ZNF367: variants seen among roughly 807,000 people sequenced by gnomAD.
ZNF367 encodes C2H2 zinc finger protein ZFF29.
Under a neutral mutation model 31.8 loss-of-function variants are expected in ZNF367, and 11 were observed. The ratio of observed to expected loss-of-function variants is 0.35; its 90% CI spans 0.22 to 0.57. ZNF367 has a LOEUF of 0.57. Ranked by LOEUF, ZNF367 falls within the 20% of genes least tolerant of loss-of-function variation. The pLI, the probability that ZNF367 is intolerant of heterozygous loss-of-function variation, is 0.85. For synonymous variants in ZNF367, 199 were observed against 202.4 expected (o/e 0.98, Z 0.14); for missense variants, 353 against 484.1 (o/e 0.73, Z 2.54).
At chr9:96,416,788 A>G (rs1831836393) in intron 1 of ZNF367, among the ~76,000 whole-genome samples, 1 of 152,232 alleles carries the variant, frequency 6.6e-6, no homozygotes, top group African/African-American at 2.4e-5. Flanking sequence ...AGTCTTCTAG[A>G]TAGAAATACT....
intron 1 of ZNF367, among the ~76,000 whole-genome samples, chr9:96,405,196 C>T (rs185020821): frequency 1.3e-5 from 2 of 151,698 alleles, no homozygotes; most frequent in Admixed American, 6.6e-5. Flanking sequence ...ATGGCGAGTG[C>T]CTGTAATCCC....
At chr9:96,411,820 GT>G (rs1025645270) in intron 1 of ZNF367, among the ~76,000 whole-genome samples, 2 of 151,934 alleles carry the variant, frequency 1.3e-5, no homozygotes, top group Non-Finnish European at 1.5e-5. Context: ...ATTCTTTTGG[GT>G]TTTTTTGTTT....
At chr9:96,409,180 C>G (rs1831710459) in intron 1 of ZNF367, among the ~76,000 whole-genome samples, 1 of 152,224 alleles carries the variant, frequency 6.6e-6, no homozygotes, top group African/African-American at 2.4e-5. Context: ...TCACCAGAAG[C>G]AGATTCTGGT....
intron 2 of ZNF367, among the ~76,000 whole-genome samples, chr9:96,396,874 C>A (rs1243988664): frequency 1.2e-4 from 18 of 152,028 alleles, no homozygotes; most frequent in Admixed American, 1.2e-3. Context: ...TCCATGTTGG[C>A]CAGGCTGGTC....
At chr9:96,406,900 G>A (rs1831677299) in intron 1 of ZNF367, among the ~76,000 whole-genome samples, 1 of 150,882 alleles carries the variant, frequency 6.6e-6, no homozygotes, top group Admixed American at 6.6e-5. Flanking sequence ...TACTCGGGAG[G>A]CTGAGGCAGG....
At position 96,417,750 on chromosome 9, in the gene ZNF367, GGGCGGCCGAGGC is replaced by G. The variant is rs770461826; in HGVS notation, c.271_282del (p.Ala91_Ala94del). 6.4e-5 allele frequency: 79 copies of G among 1,233,432 alleles called. 1 individual carries two copies. In the South Asian group the frequency reaches 8.2e-4, roughly 13 times the overall value. 76.4% of individuals were successfully genotyped at this position (1,233,432 alleles called of 1,614,324 possible). A position where few individuals can be genotyped will look rare whatever the true frequency, so the allele number is the denominator to read the frequency against. Reference sequence around the variant, plus strand: ...TGCTCGGCGGCTGCGGCTGCAGGCAGGGCGGCCGAGGCGGCGGCCCCCGCGGCCCCAGGGCTG... The same window carrying G: ...TGCTCGGCGGCTGCGGCTGCAGGCAGGGCGGCCCCCGCGGCCCCAGGGCTG... On this transcript the variant is annotated inframe_deletion, in exon 1 of 5. Transcript: ENST00000375256. The surrounding 1 kb of genome is among the most constrained non-coding windows in gnomAD (Gnocchi z 5.0).
intron 1 of ZNF367, among the ~76,000 whole-genome samples, chr9:96,405,236 C>A (rs147900641): frequency 1.3e-5 from 2 of 149,152 alleles, no homozygotes; most frequent in African/African-American, 5.0e-5. Context: ...GCAGGAGAAT[C>A]GCTTGAACCC....
At chr9:96,390,450 G>A (rs1318157766) in intron 4 of ZNF367, among the ~76,000 whole-genome samples, 5 of 152,150 alleles carry the variant, frequency 3.3e-5, no homozygotes, top group Non-Finnish European at 7.3e-5. Flanking sequence ...AAGGGTTTAG[G>A]CTTTAGACTG....
At chr9:96,411,934 T>A (rs1724471583) in intron 1 of ZNF367, among the ~76,000 whole-genome samples, 1 of 152,178 alleles carries the variant, frequency 6.6e-6, no homozygotes, top group Non-Finnish European at 1.5e-5. Context: ...TTCATGCGAT[T>A]CTCCTGCCTC....
At chr9:96,389,461 TA>T in intron 4 of ZNF367, among the ~76,000 whole-genome samples, 1 of 152,088 alleles carries the variant, frequency 6.6e-6, no homozygotes, top group South Asian at 2.1e-4. Flanking sequence ...TACATTTGTA[TA>T]AAACTACTAT....
intron 3 of ZNF367, 96 bp from the exon 4 acceptor site, chr9:96,392,632 T>C: frequency 2.0e-6 from 3 of 1,476,600 alleles, no homozygotes; most frequent in Non-Finnish European, 1.8e-6. Flanking sequence ...GAAAAGTAAA[T>C]TAATATGGTG....
chr9:96,396,038 G>A (rs1443166100), intron 2 of ZNF367, among the ~76,000 whole-genome samples: 2 of 152,128 alleles, frequency 1.3e-5, no homozygotes. Context: ...ACAGATATAG[G>A]GGGATTGTTT....
intron 3 of ZNF367, among the ~76,000 whole-genome samples, chr9:96,394,071 C>G (rs1241701780): frequency 6.6e-6 from 1 of 152,180 alleles, no homozygotes; most frequent in East Asian, 1.9e-4. Context: ...ATGCTTACTT[C>G]ACTTTAATAA....
chr9:96,412,697 C>CTTTTTTTTTTTTT (rs71368258), intron 1 of ZNF367, among the ~76,000 whole-genome samples: 1 of 133,800 alleles, frequency 7.5e-6, no homozygotes, highest in African/African-American at 2.8e-5. Flanking sequence ...TTTTTCTTTT[C>CTTTTTTTTTTTTT]TTTTTTTTTT....
At chr9:96,406,714 G>A (rs533828105) in intron 1 of ZNF367, among the ~76,000 whole-genome samples, 4 of 152,094 alleles carry the variant, frequency 2.6e-5, no homozygotes, top group Non-Finnish European at 4.4e-5. Flanking sequence ...GATTAAGACC[G>A]TGGGGGCCGG....
rs539904624 is a variant in ZNF367 at position 96,414,444 on chromosome 9, A to G, written c.420+3169T>C. Among the ~76,000 whole-genome samples the G allele has an allele frequency of 9.2e-5, 14 of 152,372 alleles. No homozygotes were observed. In the South Asian group the frequency reaches 2.9e-3, roughly 32 times the overall value. ...ATACTTTACCTCTGAAAAGAGGTGT[A>G]CAGCATGGAAATACAATTCAAACCC... On this transcript the variant is annotated intron_variant, in intron 1 of 4. Transcript: ENST00000375256.
At chr9:96,398,415 G>T in intron 1 of ZNF367, 101 bp from the exon 2 acceptor site, 1 of 1,100,360 alleles carries the variant, frequency 9.1e-7, no homozygotes, top group Non-Finnish European at 1.3e-6. Flanking sequence ...TGGGAGCTGG[G>T]CGCAGCGGCA....
At chr9:96,412,697 C>CTTTTTTTTTTTTTTT (rs71368258) in intron 1 of ZNF367, among the ~76,000 whole-genome samples, 5 of 133,800 alleles carry the variant, frequency 3.7e-5, no homozygotes, top group South Asian at 2.4e-4. Context: ...TTTTTCTTTT[C>CTTTTTTTTTTTTTTT]TTTTTTTTTT....
chr9:96,394,417 T>C (rs1288185382), intron 3 of ZNF367, among the ~76,000 whole-genome samples: 1 of 152,172 alleles, frequency 6.6e-6, no homozygotes, highest in Non-Finnish European at 1.5e-5. Context: ...AGACCTAGTA[T>C]TTTATAGCAC....
Sources: gnomAD v4.1 joint callset for allele counts (sites outside exome capture counted in the v4.1 genomes callset) on GRCh38, gnomAD v4.1.1 for gene constraint, Gnocchi (gnomAD v3.1) non-coding constraint, MANE v1.5 for transcripts, NCBI Gene and HGNC (gene_info 2026-07-23, HGNC 2026-07-21) for gene names.